PSPC1: variants seen among roughly 807,000 people sequenced by gnomAD.
The protein encoded by PSPC1 is paraspeckle protein 1.
PSPC1 carries 14 observed loss-of-function variants against 51.6 expected under a neutral mutation model. The observed-to-expected ratio is 0.27, with a 90% CI of 0.18 to 0.42. The LOEUF (loss-of-function observed/expected upper bound fraction) is 0.42. Among genes scored for constraint, PSPC1 ranks in the 10% least tolerant of loss-of-function variants. The pLI, the probability that PSPC1 is intolerant of heterozygous loss-of-function variation, is 1.00. For synonymous variants in PSPC1, 193 were observed against 231.9 expected, an observed-to-expected ratio of 0.83 and a Z score of 1.53; for missense variants, 406 against 701.1, an observed-to-expected ratio of 0.58 and a Z score of 4.75.
rs1343526704 is a variant in PSPC1 at position 19,782,456 on chromosome 13, A to G, written c.302T>C (p.Leu101Pro). Residue 101 changes from leucine to proline, a missense_variant, in exon 1 of 9, where the codon CTC becomes CCC. Transcript: ENST00000338910. The surrounding 1 kb of genome is among the most constrained non-coding windows in gnomAD (Gnocchi z 4.5). Reference protein sequence around the residue: ...TDITEEDFKRLFERYGEPSEV... With the variant: ...TDITEEDFKRPFERYGEPSEV... ...GCTGGGCTCGCCATAGCGTTCGAAG[A>G]GCCTCTTGAAGTCCTCCTCCGTGAT... 1 of 1,610,734 alleles carries G rather than the reference A, an allele frequency of 6.2e-7. No individual in the cohort carries two copies. Among genetic ancestry groups the G allele is most frequent in the Non-Finnish European group, 8.5e-7 (1 of 1,178,506 alleles).
intron 6 of PSPC1, among the ~76,000 whole-genome samples, chr13:19,688,307 A>G (rs1338092413): frequency 6.6e-6 from 1 of 152,134 alleles, no homozygotes; most frequent in Non-Finnish European, 1.5e-5. Flanking sequence ...ATAGCAGGTG[A>G]TTCTTACAGA....
Position 19,750,778 on chromosome 13 carries a change from A to AT in PSPC1, c.967+492dup, listed in dbSNP as rs1225602804. ...TTGCATAAGTAAAACTAACTTTTTA[A>AT]TTTTTTTTTTGAGACAGTTTTGCTC... On this transcript the variant is annotated intron_variant, in intron 4 of 8. Transcript: ENST00000338910. Among the ~76,000 whole-genome samples, 13 of 34,064 alleles carry AT rather than the reference A, an allele frequency of 3.8e-4. No individual in the cohort carries two copies. The East Asian group carries it at 7.6e-3, about 20-fold the overall frequency. The allele number at this position is 34,064 out of a possible 152,430, so 22.3% of individuals were successfully genotyped here. A position where few individuals can be genotyped will look rare whatever the true frequency, so the allele number is the denominator to read the frequency against.
At chr13:19,692,968 T>C (rs1471407404) in intron 6 of PSPC1, among the ~76,000 whole-genome samples, 1 of 152,158 alleles carries the variant, frequency 6.6e-6, no homozygotes, top group Non-Finnish European at 1.5e-5. Context: ...TTTAACATAA[T>C]TATTTTAAGT....
Position 19,710,215 on chromosome 13 carries a change from C to T in PSPC1, c.1159-616G>A, listed in dbSNP as rs1447885956. Among the ~76,000 whole-genome samples the T allele has an allele frequency of 3.9e-5, 6 of 152,298 alleles. No homozygotes were observed. In the South Asian group the frequency reaches 8.3e-4, roughly 21 times the overall value. On this transcript the variant is annotated intron_variant, in intron 6 of 8. Coordinates refer to ENST00000338910, the MANE Select transcript of PSPC1 (RefSeq NM_001354909.2). ...ACATAACATTGCTTTCCTTTAACTG[C>T]GCAGTAATTTTATTTGAAAACCTGA...
At chr13:19,700,785 A>G (rs1336638817), downstream of PSPC1, among the ~76,000 whole-genome samples, 1 of 152,140 alleles carries the variant, frequency 6.6e-6, no homozygotes, top group African/African-American at 2.4e-5. Flanking sequence ...AAAAAAAGAT[A>G]GCATATATGA....
chr13:19,735,290 G>A (rs9579672), intron 5 of PSPC1, among the ~76,000 whole-genome samples: 17,166 of 152,150 alleles, frequency 0.11, 1,231 homozygotes, highest in African/African-American at 0.2. Context: ...CAGCCTGGGC[G>A]ACAAGAACGA....
intron 6 of PSPC1, among the ~76,000 whole-genome samples, chr13:19,718,902 T>C (rs1882439078): frequency 6.6e-6 from 1 of 152,234 alleles, no homozygotes; most frequent in Non-Finnish European, 1.5e-5. Context: ...ATTCCAACTA[T>C]ATGACATTCT....
At chr13:19,680,742 T>C (rs1231053800) in intron 6 of PSPC1, among the ~76,000 whole-genome samples, 1 of 152,134 alleles carries the variant, frequency 6.6e-6, no homozygotes. Flanking sequence ...TAAAATTGGG[T>C]CACTAAGAAC....
At chr13:19,693,741 C>T (rs974733671) in intron 6 of PSPC1, among the ~76,000 whole-genome samples, 4 of 152,232 alleles carry the variant, frequency 2.6e-5, no homozygotes, top group East Asian at 1.9e-4. Context: ...CTGAGAACTT[C>T]GTGCTCCAAC....
intron 2 of PSPC1, among the ~76,000 whole-genome samples, chr13:19,760,967 G>A (rs1302168694): frequency 6.6e-6 from 1 of 151,446 alleles, no homozygotes; most frequent in Non-Finnish European, 1.5e-5. Flanking sequence ...CAGCCCAGGC[G>A]ACAGAGTGAA....
chr13:19,726,847 C>A (rs922060350), intron 6 of PSPC1, among the ~76,000 whole-genome samples: 1 of 152,230 alleles, frequency 6.6e-6, no homozygotes. Context: ...ATGCCTCTGA[C>A]AAGCAAAGAA....
intron 6 of PSPC1, among the ~76,000 whole-genome samples, chr13:19,726,293 A>G (rs749417005): frequency 1.7e-4 from 26 of 152,224 alleles, no homozygotes; most frequent in Non-Finnish European, 2.4e-4. Context: ...TCTCATTTCA[A>G]TACAAGGCCA....
At chr13:19,716,344 C>T (rs1300911844) in intron 6 of PSPC1, among the ~76,000 whole-genome samples, 1 of 152,156 alleles carries the variant, frequency 6.6e-6, no homozygotes, top group East Asian at 1.9e-4. Flanking sequence ...ACCACCTAAA[C>T]TTGGGGATAC....
intron 6 of PSPC1, among the ~76,000 whole-genome samples, chr13:19,685,341 GC>G (rs1425616376): frequency 6.6e-6 from 1 of 152,070 alleles, no homozygotes; most frequent in Non-Finnish European, 1.5e-5. Flanking sequence ...CATAATCAGG[GC>G]TCATTAAAAG....
At chr13:19,756,063 C>T (rs1398519120) in intron 3 of PSPC1, among the ~76,000 whole-genome samples, 1 of 151,900 alleles carries the variant, frequency 6.6e-6, no homozygotes, top group Non-Finnish European at 1.5e-5. Context: ...ATGGTAAAAC[C>T]CCGTCTCTAC....
intron 6 of PSPC1, among the ~76,000 whole-genome samples, chr13:19,723,810 A>C (rs190575529): frequency 2.6e-4 from 39 of 152,372 alleles, no homozygotes; most frequent in African/African-American, 7.9e-4. Flanking sequence ...CTTGGCTTGT[A>C]ATAAATTATT....
intron 5 of PSPC1, among the ~76,000 whole-genome samples, chr13:19,739,815 TA>T (rs1182346751): frequency 3.4e-5 from 5 of 148,674 alleles, no homozygotes; most frequent in Admixed American, 6.7e-5. Flanking sequence ...AGAAAAGTTT[TA>T]AAAAAGGTTC....
intron 6 of PSPC1, among the ~76,000 whole-genome samples, chr13:19,689,301 C>T (rs1746655406): frequency 6.6e-6 from 1 of 152,014 alleles, no homozygotes; most frequent in Non-Finnish European, 1.5e-5. Context: ...AACGAGGATG[C>T]AAAATTAAGG....
intron 2 of PSPC1, 129 bp downstream of exon 2, chr13:19,772,113 T>A: frequency 9.9e-7 from 1 of 1,009,170 alleles, no homozygotes; most frequent in East Asian, 2.6e-5. Flanking sequence ...CTTATTTATA[T>A]TCACTGAATA....
Sources: allele counts gnomAD v4.1 joint callset (sites outside exome capture counted in the v4.1 genomes callset), GRCh38; gene constraint gnomAD v4.1.1; non-coding constraint Gnocchi (gnomAD v3.1); transcripts MANE v1.5; gene names NCBI Gene and HGNC (gene_info 2026-07-23, HGNC 2026-07-21).